DLGAP2: variants seen among roughly 807,000 people sequenced by gnomAD.
The protein encoded by DLGAP2 is DLG associated protein 2, also known as disks large-associated protein 2.
In DLGAP2, 26 loss-of-function variants were observed where a neutral mutation model predicts 100.3. That is an observed-to-expected ratio of 0.26 (90% CI 0.19 to 0.36). The LOEUF (loss-of-function observed/expected upper bound fraction) is 0.36. Ranked by LOEUF, DLGAP2 falls within the 10% of genes least tolerant of loss-of-function variation. The pLI is 1.00. For synonymous variants in DLGAP2, 886 were observed against 630.1 expected (o/e 1.41, Z -6.08); for missense variants, 1,858 against 1,453.2 (o/e 1.28, Z -4.53).
intron 4 of DLGAP2, among the ~76,000 whole-genome samples, chr8:1,529,965 C>T (rs929296127): frequency 3.3e-5 from 5 of 152,146 alleles, no homozygotes; most frequent in East Asian, 1.9e-4. Flanking sequence ...AAGTACTTTA[C>T]AAGGTAATAG....
intron 1 of DLGAP2, among the ~76,000 whole-genome samples, chr8:798,041 C>T (rs376340384): frequency 2.2e-4 from 34 of 152,208 alleles, no homozygotes; most frequent in African/African-American, 5.3e-4. Context: ...TGAGCCACCA[C>T]GCCTGGCCAG....
At chr8:960,690 C>T (rs1309063112) in intron 2 of DLGAP2, among the ~76,000 whole-genome samples, 4 of 152,202 alleles carry the variant, frequency 2.6e-5, no homozygotes. Flanking sequence ...ATTGGACATA[C>T]ATTTAATTTA....
Position 806,368 on chromosome 8 carries a change from G to A in DLGAP2, c.18+68543G>A, listed in dbSNP as rs1450427144. Among the ~76,000 whole-genome samples, 5 of 152,314 alleles carry A rather than the reference G, an allele frequency of 3.3e-5. No homozygotes were observed. The East Asian group carries it at 7.7e-4, about 24-fold the overall frequency. ...CACTGCCCGTCACTCTGCAGCAGCC[G>A]TGCCGCCAGTCGTTTCTGGATCTGT... is the stretch of plus-strand genomic sequence containing the variant. On this transcript the variant is annotated intron_variant, in intron 1 of 14. Transcript: ENST00000637795.
At chr8:1,302,855 C>T (rs1304492704) in intron 3 of DLGAP2, among the ~76,000 whole-genome samples, 1 of 152,268 alleles carries the variant, frequency 6.6e-6, no homozygotes, top group African/African-American at 2.4e-5. Context: ...CGATTCTTTC[C>T]TGCTGTTCAC....
At chr8:1,076,998 C>T (rs1220785686) in intron 2 of DLGAP2, among the ~76,000 whole-genome samples, 1 of 149,394 alleles carries the variant, frequency 6.7e-6, no homozygotes, top group Non-Finnish European at 1.5e-5. Context: ...CCCCCAAGAC[C>T]AAGAGGGTGG....
At chr8:999,323 C>T (rs1438521776) in intron 2 of DLGAP2, among the ~76,000 whole-genome samples, 1 of 151,728 alleles carries the variant, frequency 6.6e-6, no homozygotes, top group East Asian at 1.9e-4. Flanking sequence ...CTTTCCATCT[C>T]CTGTTACCTC....
At chr8:748,432 C>A (rs1316957366) in intron 1 of DLGAP2, among the ~76,000 whole-genome samples, 2 of 152,078 alleles carry the variant, frequency 1.3e-5, no homozygotes. Flanking sequence ...GTGCAGGGCC[C>A]CTGGGTGGGA....
intron 1 of DLGAP2, among the ~76,000 whole-genome samples, chr8:850,804 A>G (rs1040177337): frequency 4.6e-5 from 7 of 152,142 alleles, no homozygotes; most frequent in South Asian, 2.1e-4. Context: ...GATTGTCTCA[A>G]TTTTCCTAAA....
chr8:918,324 G>A (rs1798638140), intron 2 of DLGAP2, among the ~76,000 whole-genome samples: 1 of 152,180 alleles, frequency 6.6e-6, no homozygotes, highest in Non-Finnish European at 1.5e-5. Context: ...CCCTTAAAAT[G>A]GTGAGTGTTG....
chr8:1,043,650 C>T (rs1802437129), intron 2 of DLGAP2, among the ~76,000 whole-genome samples: 1 of 151,964 alleles, frequency 6.6e-6, no homozygotes, highest in African/African-American at 2.4e-5. Context: ...ATGAGCTGTG[C>T]TGCCTTTTCA....
Position 1,678,331 on chromosome 8 carries a change from C to A in DLGAP2, c.2406C>A (p.Ser802=). The A allele has an allele frequency of 6.2e-7, 1 of 1,614,020 alleles. No homozygotes were observed. The highest frequency in any genetic ancestry group is 8.5e-7 in the Non-Finnish European group (1 of 1,179,894). The change falls in exon 12 of 15, where the codon TCC becomes TCA. Residue 802 remains serine, a synonymous_variant. Transcript: ENST00000637795. ...ACAAAGGCCTTCAGTTCGGCTCATC[C>A]TTCCAGCGGCACTCCGAGCCCAGCA... The part of the protein sequence containing the change: ...TEDKGLQFGS[S]FQRHSEPSTP...
chr8:952,036 G>C (rs1799493212), intron 2 of DLGAP2, among the ~76,000 whole-genome samples: 1 of 152,170 alleles, frequency 6.6e-6, no homozygotes, highest in African/African-American at 2.4e-5. Context: ...TCTCCCAGTG[G>C]GTTCTCCTCC....
At chr8:882,279 C>T (rs1267715332) in intron 1 of DLGAP2, among the ~76,000 whole-genome samples, 1 of 151,988 alleles carries the variant, frequency 6.6e-6, no homozygotes, top group East Asian at 1.9e-4. Context: ...GTGCCTGGCC[C>T]AGCGGCACCT....
intron 1 of DLGAP2, among the ~76,000 whole-genome samples, chr8:768,395 A>T (rs531251129): frequency 1.3e-5 from 2 of 149,766 alleles, no homozygotes; most frequent in African/African-American, 4.9e-5. Flanking sequence ...GGACTTCAGC[A>T]TGAACCAGGA....
intron 2 of DLGAP2, among the ~76,000 whole-genome samples, chr8:1,220,567 A>G (rs1259203484): frequency 6.6e-6 from 1 of 152,058 alleles, no homozygotes; most frequent in Non-Finnish European, 1.5e-5. Flanking sequence ...AGATGAGACT[A>G]TATATTCTGT....
chr8:1,281,795 C>T (rs979528291), intron 3 of DLGAP2, among the ~76,000 whole-genome samples: 3 of 152,166 alleles, frequency 2.0e-5, no homozygotes, highest in Admixed American at 6.5e-5. Context: ...TGGAGGGACG[C>T]GGTCCCACCC....
At chr8:1,281,926 G>A (rs1799821689) in intron 3 of DLGAP2, among the ~76,000 whole-genome samples, 1 of 152,230 alleles carries the variant, frequency 6.6e-6, no homozygotes, top group Admixed American at 6.5e-5. Context: ...GTCAGTTATT[G>A]CCGATGAATG....
chr8:1,190,761 C>G (rs1304342774), intron 2 of DLGAP2, among the ~76,000 whole-genome samples: 1 of 152,198 alleles, frequency 6.6e-6, no homozygotes, highest in Non-Finnish European at 1.5e-5. Flanking sequence ...GGGGCAGACC[C>G]ATGACTAGAG....
At position 1,332,703 on chromosome 8, in the gene DLGAP2, C is replaced by T. The variant is rs542900822; in HGVS notation, c.106+73820C>T. On this transcript the variant is annotated intron_variant, in intron 3 of 14. Transcript: ENST00000637795. ...AGCCGCGAGGAGCACTCAGAATTCACGTCTGAGTCACTGGTGAGCTCAGCC... is the reference window on the plus strand; with the variant it reads ...AGCCGCGAGGAGCACTCAGAATTCATGTCTGAGTCACTGGTGAGCTCAGCC... Among the ~76,000 whole-genome samples, 44 of 152,308 alleles carry T rather than the reference C, an allele frequency of 2.9e-4. 1 individual carries two copies. In the South Asian group the frequency reaches 8.9e-3, roughly 31 times the overall value.
Sources: gnomAD v4.1 joint callset for allele counts (sites outside exome capture counted in the v4.1 genomes callset) on GRCh38, gnomAD v4.1.1 for gene constraint, MANE v1.5 for transcripts, NCBI Gene and HGNC (gene_info 2026-07-23, HGNC 2026-07-21) for gene names.